Variants in POU6F2 observed in about 807,000 individuals in gnomAD.
POU6F2 encodes POU class 6 homeobox 2, also known as POU domain, class 6, transcription factor 2.
In POU6F2, 31 loss-of-function variants were observed where a neutral mutation model predicts 71.3. The ratio of observed to expected loss-of-function variants is 0.43; its 90% CI spans 0.33 to 0.59. The LOEUF (loss-of-function observed/expected upper bound fraction) is 0.59, where lower values mean the gene tolerates loss of function less well. Among genes scored for constraint, POU6F2 ranks in the 20% least tolerant of loss-of-function variants. POU6F2 has a pLI of 0.04. For missense variants in POU6F2, 783 were observed against 856.8 expected, an observed-to-expected ratio of 0.91 and a Z score of 1.07; for synonymous variants, 347 against 355.7, an observed-to-expected ratio of 0.98 and a Z score of 0.27.
intron 4 of POU6F2, among the ~76,000 whole-genome samples, chr7:39,335,940 C>T (rs1785765134): frequency 1.3e-5 from 2 of 152,184 alleles, no homozygotes; most frequent in Non-Finnish European, 2.9e-5. Context: ...GCATCCTGGC[C>T]AAGGCTCTCC....
At chr7:39,287,661 T>A (rs1784675044) in intron 4 of POU6F2, among the ~76,000 whole-genome samples, 1 of 152,202 alleles carries the variant, frequency 6.6e-6, no homozygotes, top group African/African-American at 2.4e-5. Flanking sequence ...AAAAAAACAC[T>A]TGGGTCAATC....
At chr7:39,442,268 G>C (rs1287191892) in intron 7 of POU6F2, among the ~76,000 whole-genome samples, 1 of 152,186 alleles carries the variant, frequency 6.6e-6, no homozygotes, top group Non-Finnish European at 1.5e-5. Context: ...GGGTAGTGAG[G>C]AAGATGTACA....
intron 4 of POU6F2, among the ~76,000 whole-genome samples, chr7:39,283,587 A>G (rs1784602394): frequency 6.6e-6 from 1 of 152,196 alleles, no homozygotes; most frequent in African/African-American, 2.4e-5. Context: ...TTCATGTTGT[A>G]GTATGTATCA....
At chr7:39,252,665 CT>C (rs1369860244) in intron 4 of POU6F2, among the ~76,000 whole-genome samples, 1 of 152,124 alleles carries the variant, frequency 6.6e-6, no homozygotes, top group Non-Finnish European at 1.5e-5. Flanking sequence ...ACAGCCTCTG[CT>C]TTTTTGCCAC....
chr7:39,225,184 T>A (rs1246394801), intron 4 of POU6F2, among the ~76,000 whole-genome samples: 1 of 152,182 alleles, frequency 6.6e-6, no homozygotes, highest in Non-Finnish European at 1.5e-5. Context: ...AAACTTTCTT[T>A]TTTTTTTGAG....
chr7:39,102,312 A>G (rs1273438689), intron 2 of POU6F2, among the ~76,000 whole-genome samples: 1 of 152,144 alleles, frequency 6.6e-6, no homozygotes, highest in African/African-American at 2.4e-5. Context: ...CAACATTACA[A>G]TGACTCTTGC....
intron 2 of POU6F2, among the ~76,000 whole-genome samples, chr7:39,168,450 C>T (rs191744026): frequency 1.3e-5 from 2 of 152,304 alleles, no homozygotes; most frequent in Admixed American, 1.3e-4. Context: ...AACCTTTCTA[C>T]CAGGCGTTAT....
intron 4 of POU6F2, among the ~76,000 whole-genome samples, chr7:39,262,928 C>T (rs1229625239): frequency 6.6e-6 from 1 of 152,180 alleles, no homozygotes; most frequent in African/African-American, 2.4e-5. Flanking sequence ...ATCACCATTT[C>T]CCATCACTTT....
chr7:39,178,391 G>A (rs1793371672), intron 2 of POU6F2, among the ~76,000 whole-genome samples: 1 of 152,012 alleles, frequency 6.6e-6, no homozygotes, highest in Admixed American at 6.6e-5. Flanking sequence ...TATTCATTGA[G>A]TTTTACATTC....
intron 2 of POU6F2, among the ~76,000 whole-genome samples, chr7:39,170,076 G>C (rs1793189757): frequency 6.6e-6 from 1 of 152,120 alleles, no homozygotes; most frequent in South Asian, 2.1e-4. Flanking sequence ...GCTGAGAAGG[G>C]AGAATCGCTT....
At chr7:39,393,630 C>T (rs1325180483) in intron 5 of POU6F2, among the ~76,000 whole-genome samples, 1 of 152,188 alleles carries the variant, frequency 6.6e-6, no homozygotes, top group Non-Finnish European at 1.5e-5. Flanking sequence ...TTCATTTCTA[C>T]TGGTCCCCTA....
intron 1 of POU6F2, among the ~76,000 whole-genome samples, chr7:39,027,071 TG>T (rs1258572035): frequency 6.6e-6 from 1 of 152,172 alleles, no homozygotes; most frequent in Non-Finnish European, 1.5e-5. Context: ...AAGTAGGTTT[TG>T]CTTAGGATTA....
chr7:39,033,736 G>A (rs1275498000), intron 1 of POU6F2, among the ~76,000 whole-genome samples: 1 of 152,134 alleles, frequency 6.6e-6, no homozygotes, highest in African/African-American at 2.4e-5. Flanking sequence ...ACACACCACA[G>A]CCTAGTGTCT....
At chr7:39,103,818 A>T (rs1021516239) in intron 2 of POU6F2, among the ~76,000 whole-genome samples, 1 of 152,196 alleles carries the variant, frequency 6.6e-6, no homozygotes, top group Non-Finnish European at 1.5e-5. Context: ...CTTCACTTAG[A>T]TAAGACATTT....
chr7:39,330,691 A>T (rs995388666), intron 4 of POU6F2, among the ~76,000 whole-genome samples: 5 of 152,182 alleles, frequency 3.3e-5, no homozygotes, highest in Admixed American at 1.3e-4. Context: ...TTTACTTTCA[A>T]TTAAGTTGTT....
chr7:39,006,292 C>T (rs1427639368), intron 1 of POU6F2, among the ~76,000 whole-genome samples: 1 of 152,062 alleles, frequency 6.6e-6, no homozygotes, highest in Non-Finnish European at 1.5e-5. Context: ...GGTGACACCC[C>T]ATCTCTACTA....
chr7:39,306,253 C>T (rs1362651479), intron 4 of POU6F2, among the ~76,000 whole-genome samples: 1 of 152,210 alleles, frequency 6.6e-6, no homozygotes, highest in Non-Finnish European at 1.5e-5. Context: ...ATGGATGAGT[C>T]TAAGAATTTG....
chr7:39,200,686 T>G (rs762472604), intron 2 of POU6F2, among the ~76,000 whole-genome samples: 1 of 152,004 alleles, frequency 6.6e-6, no homozygotes, highest in Non-Finnish European at 1.5e-5. Flanking sequence ...GTCACTATTA[T>G]AGACAAATAA....
In POU6F2 at chr7:39,087,689, G is replaced by A. The variant is rs186186043; in HGVS notation, c.277+1658G>A. Among the ~76,000 whole-genome samples, 62 of 152,226 alleles carry A rather than the reference G, an allele frequency of 4.1e-4. No individual in the cohort carries two copies. The East Asian group carries it at 9.1e-3, about 22-fold the overall frequency. ...TGACTTTTAAAAAGTAATCAATTTT[G>A]AGTTCAACAAGCTACAGATAATACA... On this transcript the variant is annotated intron_variant, in intron 2 of 9. Coordinates refer to ENST00000518318, the MANE Select transcript of POU6F2 (RefSeq NM_001370959.1).
Sources: gnomAD v4.1 joint callset for allele counts (sites outside exome capture counted in the v4.1 genomes callset) on GRCh38, gnomAD v4.1.1 for gene constraint, MANE v1.5 for transcripts, NCBI Gene and HGNC (gene_info 2026-07-23, HGNC 2026-07-21) for gene names.